The following PLXNA4 variants were observed in gnomAD, a reference collection of about 807,000 sequenced individuals.
PLXNA4 encodes the protein plexin-A4.
Under a neutral mutation model 191.8 loss-of-function variants are expected in PLXNA4, and 44 were observed. The observed-to-expected ratio is 0.23, with a 90% confidence interval of 0.18 to 0.29. PLXNA4 has a LOEUF of 0.29. PLXNA4 is among the 10% of genes least tolerant of loss of function. PLXNA4 has a pLI of 1.00. For synonymous variants in PLXNA4, 1,082 were observed against 1,009.5 expected (o/e 1.07, Z -1.36); for missense variants, 1,800 against 2,488.8 (o/e 0.72, Z 5.89).
At chr7:132,330,771 C>T (rs1349096590) in intron 3 of PLXNA4, among the ~76,000 whole-genome samples, 1 of 152,218 alleles carries the variant, frequency 6.6e-6, no homozygotes, top group Non-Finnish European at 1.5e-5. Context: ...GACAGCACCA[C>T]TGACCCTGGC....
At chr7:132,311,919 G>A (rs566225397) in intron 3 of PLXNA4, among the ~76,000 whole-genome samples, 10 of 152,272 alleles carry the variant, frequency 6.6e-5, no homozygotes, top group Admixed American at 2.0e-4. Flanking sequence ...TCACCAGACA[G>A]AGCTGGAATG....
intron 3 of PLXNA4, among the ~76,000 whole-genome samples, chr7:132,419,221 G>C (rs532897960): frequency 6.6e-6 from 1 of 152,344 alleles, no homozygotes; most frequent in East Asian, 1.9e-4. Context: ...CCTGGGGCCA[G>C]GCATCGTGTC....
chr7:132,252,343 A>C (rs1362656976), intron 4 of PLXNA4, among the ~76,000 whole-genome samples: 3 of 106,974 alleles, frequency 2.8e-5, no homozygotes, highest in Admixed American at 1.5e-4. Flanking sequence ...ATGGAGTCTC[A>C]CTCTGTTGCC....
At chr7:132,224,243 G>A (rs889467544) in intron 8 of PLXNA4, among the ~76,000 whole-genome samples, 2 of 152,128 alleles carry the variant, frequency 1.3e-5, no homozygotes, top group African/African-American at 4.8e-5. Context: ...GCCCTTCACG[G>A]TATAGATGAC....
At chr7:132,546,313 C>A (rs1800304996) in intron 1 of PLXNA4, among the ~76,000 whole-genome samples, 1 of 152,150 alleles carries the variant, frequency 6.6e-6, no homozygotes, top group South Asian at 2.1e-4. Context: ...ATTAGGGATC[C>A]CTTTCATATG....
At chr7:132,291,281 T>A (rs1800881998) in intron 4 of PLXNA4, among the ~76,000 whole-genome samples, 1 of 152,212 alleles carries the variant, frequency 6.6e-6, no homozygotes, top group South Asian at 2.1e-4. Flanking sequence ...CCTTGGAGAA[T>A]TTCCCTTGCA....
intron 3 of PLXNA4, chr7:132,484,931 G>C: frequency 6.2e-7 from 1 of 1,614,178 alleles, no homozygotes. Flanking sequence ...CTGTTCCTGA[G>C]AAGCAATGTT....
chr7:132,520,885 T>C (rs1256103283), intron 1 of PLXNA4, among the ~76,000 whole-genome samples: 3 of 151,488 alleles, frequency 2.0e-5, no homozygotes, highest in Non-Finnish European at 4.4e-5. Context: ...GCAGGCTATT[T>C]GGGGCTCACT....
rs575205000 is a variant in PLXNA4 at position 132,413,556 on chromosome 7, CAACTCAGAGCA to C, written c.1371+75725_1371+75735del. Reference sequence around the variant, plus strand: ...AACAGACATGGCCTCAACCTAAACCCAACTCAGAGCAAAACACAATGGAAAACACACCTAAG... The same window carrying C: ...AACAGACATGGCCTCAACCTAAACCCAAACACAATGGAAAACACACCTAAG... On this transcript the variant is annotated intron_variant, in intron 3 of 31. Coordinates refer to ENST00000321063, the MANE Select transcript of PLXNA4 (RefSeq NM_020911.2). Among the ~76,000 whole-genome samples, 796 of 152,310 alleles carry C rather than the reference CAACTCAGAGCA, an allele frequency of 5.2e-3. 3 individuals carry two copies. The highest frequency in any genetic ancestry group is 9.7e-3 in the Non-Finnish European group (662 of 68,028).
chr7:132,321,386 G>A (rs548780628), intron 3 of PLXNA4, among the ~76,000 whole-genome samples: 3 of 147,684 alleles, frequency 2.0e-5, no homozygotes, highest in South Asian at 2.1e-4. Flanking sequence ...TTTTTAAATC[G>A]TGGTCCAGTT....
At chr7:132,393,976 C>A (rs1182104790) in intron 3 of PLXNA4, among the ~76,000 whole-genome samples, 1 of 151,756 alleles carries the variant, frequency 6.6e-6, no homozygotes, top group Non-Finnish European at 1.5e-5. Flanking sequence ...TAATTTGCAC[C>A]CCACCCTCTT....
chr7:132,367,756 GAGA>G (rs982688998), intron 3 of PLXNA4: 6 of 152,300 alleles, frequency 3.9e-5, no homozygotes, highest in Non-Finnish European at 7.3e-5. Context: ...AACAGAGAAT[GAGA>G]AGGACAGAGC....
chr7:132,250,456 C>G (rs910100295), intron 4 of PLXNA4, among the ~76,000 whole-genome samples: 2 of 152,202 alleles, frequency 1.3e-5, no homozygotes, highest in Admixed American at 1.3e-4. Context: ...AACCTTGGCT[C>G]TACTCTAAAA....
chr7:132,270,822 T>G lies in PLXNA4; in HGVS notation c.1503+27269A>C, dbSNP rs1026958427. On this transcript the variant is annotated intron_variant, in intron 4 of 31. Transcript: ENST00000321063. ...TTTCTCCTGGCTCGAGTAGAGTTGC[T>G]GCTCAACCATCTATGACCAATATAA... Among the ~76,000 whole-genome samples, 12 of 152,266 alleles carry G rather than the reference T, an allele frequency of 7.9e-5. 1 individual carries two copies. Among genetic ancestry groups the G allele is most frequent in the Admixed American group, 7.2e-4 (11 of 15,292 alleles).
chr7:132,599,427 T>G (rs1031416079), intron 2 of PLXNA4, among the ~76,000 whole-genome samples: 4 of 152,242 alleles, frequency 2.6e-5, no homozygotes, highest in African/African-American at 9.6e-5. Flanking sequence ...ATTAACTTTT[T>G]CTCTGGAAGG....
chr7:132,274,065 G>T (rs957518751), intron 4 of PLXNA4, among the ~76,000 whole-genome samples: 13 of 151,938 alleles, frequency 8.6e-5, no homozygotes, highest in East Asian at 1.9e-4. Context: ...AGTGAAAGAA[G>T]CCAATACAAA....
chr7:132,129,473 C>G lies in PLXNA4; in HGVS notation c.*1006G>C, dbSNP rs951708936. ...GGCTGGAGGTAGAATCTCCTAGATG[C>G]ACTCTGCATTTCACGTTGACCCTTG... On this transcript the variant is annotated 3_prime_UTR_variant, in exon 32 of 32. Coordinates refer to ENST00000321063, the MANE Select transcript of PLXNA4 (RefSeq NM_020911.2). 2 of 152,234 alleles carry G rather than the reference C, an allele frequency of 1.3e-5. No homozygotes were observed. The highest frequency in any genetic ancestry group is 2.9e-5 in the Non-Finnish European group (2 of 68,066). 9.4% of individuals were successfully genotyped at this position (152,234 alleles called of 1,614,324 possible).
intron 3 of PLXNA4, among the ~76,000 whole-genome samples, chr7:132,368,429 G>A (rs1269935467): frequency 1.3e-5 from 2 of 152,154 alleles, no homozygotes; most frequent in Non-Finnish European, 2.9e-5. Context: ...AGCAGCTCCT[G>A]GGCCTGCCAG....
intron 25 of PLXNA4, among the ~76,000 whole-genome samples, chr7:132,151,163 T>C (rs1216680381): frequency 6.7e-6 from 1 of 149,816 alleles, no homozygotes; most frequent in Non-Finnish European, 1.5e-5. Flanking sequence ...TTCTGAAATA[T>C]CAGAAAGGTG....
Sources: allele counts gnomAD v4.1 joint callset (sites outside exome capture counted in the v4.1 genomes callset), GRCh38; gene constraint gnomAD v4.1.1; transcripts MANE v1.5; gene names NCBI Gene and HGNC (gene_info 2026-07-23, HGNC 2026-07-21).